Variants in SEMA6D observed in about 807,000 individuals in gnomAD.
The protein encoded by SEMA6D is semaphorin 6D.
Under a neutral mutation model 106.6 loss-of-function variants are expected in SEMA6D, and 35 were observed. The observed-to-expected ratio is 0.33, with a 90% CI of 0.25 to 0.44. The LOEUF (loss-of-function observed/expected upper bound fraction) is 0.44. SEMA6D is among the 20% of genes least tolerant of loss of function. SEMA6D has a pLI of 1.00. For missense variants in SEMA6D, 1,185 were observed against 1,345.9 expected, an observed-to-expected ratio of 0.88 and a Z score of 1.87; for synonymous variants, 499 against 487.7, an observed-to-expected ratio of 1.02 and a Z score of -0.31.
intron 3 of SEMA6D, among the ~76,000 whole-genome samples, chr15:47,515,989 G>A (rs1256991407): frequency 6.6e-6 from 1 of 152,166 alleles, no homozygotes; most frequent in Non-Finnish European, 1.5e-5. Context: ...GACAGAGGTA[G>A]TTACTTTTGG....
intron 1 of SEMA6D, among the ~76,000 whole-genome samples, chr15:47,326,174 G>T (rs2143878553): frequency 6.6e-6 from 1 of 152,144 alleles, no homozygotes; most frequent in South Asian, 2.1e-4. Context: ...TAATTTCTTT[G>T]CTGCTGGCCA....
rs750930559 is a variant in SEMA6D, at chr15:47,765,862, A to C, written c.1428-7A>C. 4 of 1,490,676 alleles carry C rather than the reference A, an allele frequency of 2.7e-6. No individual in the cohort carries two copies. The highest frequency in any genetic ancestry group is 3.6e-6 in the Non-Finnish European group (4 of 1,119,828). The allele number at this position is 1,490,676 out of a possible 1,614,324, so 92.3% of individuals were successfully genotyped here. A position where few individuals can be genotyped will look rare whatever the true frequency, so the allele number is the denominator to read the frequency against. On this transcript the variant is annotated splice_polypyrimidine_tract_variant and splice_region_variant and intron_variant, in intron 13 of 18. Transcript: ENST00000536845. ...CATATGGCTTCAAAATGTATCCCAC[A>C]AAATAGGTGCAGTGCTGAGAATGAG...
chr15:47,516,161 A>C (rs2044381105), intron 3 of SEMA6D, among the ~76,000 whole-genome samples: 1 of 152,120 alleles, frequency 6.6e-6, no homozygotes. Flanking sequence ...GACTCTGCAC[A>C]TCCTGGTTTC....
intron 4 of SEMA6D, among the ~76,000 whole-genome samples, chr15:47,615,945 G>A (rs28407191): frequency 0.032 from 4,821 of 152,216 alleles, 258 homozygotes; most frequent in African/African-American, 0.11. Flanking sequence ...TCCTCTAAAT[G>A]TCTGGGAAAC....
At chr15:47,456,453 T>C (rs1264392171) in intron 2 of SEMA6D, among the ~76,000 whole-genome samples, 1 of 151,972 alleles carries the variant, frequency 6.6e-6, no homozygotes, top group Admixed American at 6.6e-5. Flanking sequence ...CTTAGAGATA[T>C]CTGGAAATAT....
chr15:47,529,615 A>AAC (rs1221082688), intron 3 of SEMA6D, among the ~76,000 whole-genome samples: 1 of 148,764 alleles, frequency 6.7e-6, no homozygotes, highest in African/African-American at 2.6e-5. Context: ...AAAAAAAAAA[A>AAC]AAAAACAAGT....
At chr15:47,766,904 A>G (rs2082373404) in intron 16 of SEMA6D, 133 bp from the exon 17 acceptor site, 1 of 607,750 alleles carries the variant, frequency 1.6e-6, no homozygotes, top group East Asian at 3.0e-5. Context: ...AGAGAGAGGT[A>G]GTCTAACCAG....
intron 3 of SEMA6D, among the ~76,000 whole-genome samples, chr15:47,567,125 T>A (rs2046252109): frequency 2.0e-5 from 3 of 152,204 alleles, no homozygotes; most frequent in South Asian, 4.1e-4. Context: ...GGCTCAAAAA[T>A]TCATCAGAGA....
At chr15:47,333,223 G>C (rs1377226829) in intron 1 of SEMA6D, among the ~76,000 whole-genome samples, 3 of 152,108 alleles carry the variant, frequency 2.0e-5, no homozygotes, top group Non-Finnish European at 4.4e-5. Flanking sequence ...GGCTAGATAA[G>C]TCATGATTAA....
At chr15:47,247,210 G>T (rs1414201564) in intron 1 of SEMA6D, among the ~76,000 whole-genome samples, 1 of 152,120 alleles carries the variant, frequency 6.6e-6, no homozygotes, top group Non-Finnish European at 1.5e-5. Context: ...GAGGCCTGAG[G>T]TATTGGAGGA....
upstream of SEMA6D, among the ~76,000 whole-genome samples, chr15:47,713,906 A>G (rs1283498764): frequency 6.6e-6 from 1 of 152,212 alleles, no homozygotes; most frequent in Non-Finnish European, 1.5e-5. Flanking sequence ...TTCAAATTCA[A>G]TTCTGCAGGA....
intron 1 of SEMA6D, among the ~76,000 whole-genome samples, chr15:47,329,592 C>G (rs1442679678): frequency 6.6e-6 from 1 of 152,144 alleles, no homozygotes; most frequent in Non-Finnish European, 1.5e-5. Flanking sequence ...TGTTGGCTGC[C>G]TTTAGATAAT....
intron 1 of SEMA6D, chr15:47,395,564 C>T (rs527556582): frequency 6.6e-6 from 1 of 152,306 alleles, no homozygotes; most frequent in Admixed American, 6.5e-5. Flanking sequence ...TCATCACCTG[C>T]TTCTCTGGAG....
At chr15:47,603,676 A>C (rs1390915649) in intron 4 of SEMA6D, among the ~76,000 whole-genome samples, 1 of 152,052 alleles carries the variant, frequency 6.6e-6, no homozygotes, top group East Asian at 1.9e-4. Context: ...ATTCCATACA[A>C]ATTTGAGGGA....
intron 1 of SEMA6D, among the ~76,000 whole-genome samples, chr15:47,322,643 T>G (rs1475428419): frequency 1.3e-5 from 2 of 152,178 alleles, no homozygotes; most frequent in Admixed American, 6.5e-5. Flanking sequence ...CTTCTGGGTT[T>G]CTCCACTGTG....
intron 3 of SEMA6D, among the ~76,000 whole-genome samples, chr15:47,597,774 G>A (rs2076566538): frequency 6.6e-6 from 1 of 151,412 alleles, no homozygotes; most frequent in African/African-American, 2.4e-5. Flanking sequence ...CAGTTAGACA[G>A]CAGGAACAAA....
At chr15:47,412,199 A>G (rs281209) in intron 1 of SEMA6D, among the ~76,000 whole-genome samples, 138,379 of 152,052 alleles carry the variant, frequency 0.91, 63,229 homozygotes, top group East Asian at 1. Flanking sequence ...AATCAGTCTC[A>G]TAGTTAGGGC....
intron 1 of SEMA6D, among the ~76,000 whole-genome samples, chr15:47,255,952 A>C (rs1050559521): frequency 6.6e-6 from 1 of 152,176 alleles, no homozygotes; most frequent in African/African-American, 2.4e-5. Flanking sequence ...TGAAAAGGCT[A>C]TCTTTGCTCT....
At chr15:47,439,811 A>G (rs570980719) in intron 2 of SEMA6D, among the ~76,000 whole-genome samples, 1 of 152,260 alleles carries the variant, frequency 6.6e-6, no homozygotes, top group Non-Finnish European at 1.5e-5. Context: ...TTTGTAAAAA[A>G]TCCTTCACTG....
Sources: gnomAD v4.1 joint callset for allele counts (sites outside exome capture counted in the v4.1 genomes callset) on GRCh38, gnomAD v4.1.1 for gene constraint, MANE v1.5 for transcripts, NCBI Gene and HGNC (gene_info 2026-07-23, HGNC 2026-07-21) for gene names.